ATP2B2: variants seen among roughly 807,000 people sequenced by gnomAD.
ATP2B2 encodes the protein plasma membrane calcium-transporting ATPase 2.
Under a neutral mutation model 120.0 loss-of-function variants are expected in ATP2B2, and 15 were observed. The ratio of observed to expected loss-of-function variants is 0.12; its 90% confidence interval spans 0.08 to 0.19. The LOEUF (loss-of-function observed/expected upper bound fraction) is 0.19. Among genes scored for constraint, ATP2B2 ranks in the 10% least tolerant of loss-of-function variants. The pLI, the probability that ATP2B2 is intolerant of heterozygous loss-of-function variation, is 1.00. For missense variants in ATP2B2, 1,045 were observed against 1,719.8 expected (o/e 0.61, Z 6.94); for synonymous variants, 694 against 700.3 (o/e 0.99, Z 0.14).
chr3:10,365,115 T>C (rs1015132898), intron 12 of ATP2B2, among the ~76,000 whole-genome samples: 3 of 152,172 alleles, frequency 2.0e-5, no homozygotes, highest in Non-Finnish European at 4.4e-5. Context: ...CAAGGAAAGG[T>C]CTACTTGGCT....
chr3:10,506,421 A>C (rs2066628696), upstream of ATP2B2, among the ~76,000 whole-genome samples: 1 of 152,074 alleles, frequency 6.6e-6, no homozygotes, highest in Non-Finnish European at 1.5e-5. Flanking sequence ...CTGTGGGCTG[A>C]CTGACACTTC....
Position 10,437,482 on chromosome 3 carries a change from C to T in ATP2B2, c.199+11863G>A, listed in dbSNP as rs1461110845. Among the ~76,000 whole-genome samples the T allele has an allele frequency of 5.9e-5, 9 of 152,332 alleles. No homozygotes were observed. The East Asian group carries it at 1.7e-3, about 29-fold the overall frequency. On this transcript the variant is annotated intron_variant, in intron 2 of 22. Transcript: ENST00000360273. The stretch of plus-strand genomic sequence containing the variant: ...AAGCTGGGGTTCAGACCCAGGATGT[C>T]TGCCTCTTAACTCTCTCACCACACT...
chr3:10,488,836 C>T (rs965671605), intron 1 of ATP2B2, among the ~76,000 whole-genome samples: 7 of 152,048 alleles, frequency 4.6e-5, no homozygotes, highest in Non-Finnish European at 1.0e-4. Flanking sequence ...ACCTCACCCC[C>T]CACAGTCTGT....
At chr3:10,691,404 G>C (rs1227846989) in intron 1 of ATP2B2, among the ~76,000 whole-genome samples, 2 of 152,184 alleles carry the variant, frequency 1.3e-5, no homozygotes, top group Non-Finnish European at 2.9e-5. Context: ...AGTAGTTATG[G>C]GAGGACCAAG....
chr3:10,569,849 G>A (rs140518761), intron 2 of ATP2B2, among the ~76,000 whole-genome samples: 5 of 152,174 alleles, frequency 3.3e-5, no homozygotes, highest in Admixed American at 3.3e-4. Flanking sequence ...TCCCAGGCTT[G>A]CCTCCACCTA....
chr3:10,567,199 C>T (rs1004154045), intron 2 of ATP2B2, among the ~76,000 whole-genome samples: 1 of 152,218 alleles, frequency 6.6e-6, no homozygotes, highest in African/African-American at 2.4e-5. Flanking sequence ...CATAGCTAAT[C>T]AAAGCCTACC....
At chr3:10,481,100 T>C (rs949647579) in intron 1 of ATP2B2, among the ~76,000 whole-genome samples, 7 of 152,204 alleles carry the variant, frequency 4.6e-5, no homozygotes, top group Non-Finnish European at 8.8e-5. Flanking sequence ...AGAATGAAGA[T>C]AACACAGAGG....
At position 10,409,365 on chromosome 3, in the gene ATP2B2, A is replaced by G. The variant is rs74483334; in HGVS notation, c.397+1253T>C. Among the ~76,000 whole-genome samples the G allele has an allele frequency of 7.8e-3, 1,180 of 152,102 alleles. 14 individuals are homozygous for G. The highest frequency in any genetic ancestry group is 0.027 in the African/African-American group (1,132 of 41,498). ...CTTTTAGTTTTTAATTTTATTTTTC[A>G]TTTTAAAATTTTTGTTTTATTATTA... On this transcript the variant is annotated intron_variant, in intron 3 of 22. Transcript: ENST00000360273.
intron 2 of ATP2B2, among the ~76,000 whole-genome samples, chr3:10,556,163 G>C (rs765047845): frequency 4.6e-5 from 7 of 152,234 alleles, no homozygotes; most frequent in Non-Finnish European, 1.0e-4. Context: ...GCCTCCCAAA[G>C]TGCTGGGATT....
At chr3:10,632,747 G>A (rs2069901928) in intron 1 of ATP2B2, among the ~76,000 whole-genome samples, 1 of 152,176 alleles carries the variant, frequency 6.6e-6, no homozygotes, top group Non-Finnish European at 1.5e-5. Context: ...GGTGGCTCTG[G>A]GGACACAGCC....
At chr3:10,431,977 C>T (rs2063330633) in intron 2 of ATP2B2, among the ~76,000 whole-genome samples, 1 of 152,132 alleles carries the variant, frequency 6.6e-6, no homozygotes, top group Non-Finnish European at 1.5e-5. Flanking sequence ...ATCATCACTC[C>T]CGGCACTTTT....
chr3:10,568,866 C>T (rs1196338893), intron 2 of ATP2B2, among the ~76,000 whole-genome samples: 1 of 152,202 alleles, frequency 6.6e-6, no homozygotes, highest in African/African-American at 2.4e-5. Context: ...CCCTGCCTGG[C>T]TTTTGTTTGA....
chr3:10,360,195 G>C, intron 12 of ATP2B2, 72 bp from the exon 13 acceptor site: 1 of 1,514,466 alleles, frequency 6.6e-7, no homozygotes, highest in Non-Finnish European at 8.8e-7. Context: ...GGCTGCCACT[G>C]AGGCTCTGGG....
chr3:10,700,120 G>C (rs2071795318), intron 1 of ATP2B2, among the ~76,000 whole-genome samples: 3 of 152,144 alleles, frequency 2.0e-5, no homozygotes, highest in African/African-American at 7.2e-5. Context: ...CAGGATTGGA[G>C]AGTGTGCTAT....
At chr3:10,400,178 T>C (rs1490032207) in intron 5 of ATP2B2, among the ~76,000 whole-genome samples, 1 of 152,222 alleles carries the variant, frequency 6.6e-6, no homozygotes, top group Non-Finnish European at 1.5e-5. Context: ...CCCCTGTAGC[T>C]GAGTGAGCTT....
rs114010570 is a variant in ATP2B2 at position 10,531,611 on chromosome 3, T to G, written c.-320+2428A>C. ...TATGGTGATTTTTGTGACTATGAAT[T>G]CATTCAACCAACATGGGTTGTATGT... On this transcript the variant is annotated intron_variant, in intron 3 of 21. Transcript: ENST00000646379. 2.5e-3 allele frequency among the ~76,000 whole-genome samples: 381 copies of G among 152,300 alleles called. 1 individual carries two copies. Among genetic ancestry groups the G allele is most frequent in the African/African-American group, 8.6e-3 (358 of 41,554 alleles).
At chr3:10,572,246 T>C (rs1479388939) in intron 2 of ATP2B2, among the ~76,000 whole-genome samples, 3 of 152,240 alleles carry the variant, frequency 2.0e-5, no homozygotes, top group African/African-American at 7.2e-5. Flanking sequence ...TTACTGTATC[T>C]GGCTGAAGAA....
chr3:10,418,716 C>T (rs1472370581), intron 2 of ATP2B2, among the ~76,000 whole-genome samples: 1 of 152,202 alleles, frequency 6.6e-6, no homozygotes, highest in Non-Finnish European at 1.5e-5. Flanking sequence ...CACTGTCTGG[C>T]TGAGCGGACC....
chr3:10,383,332 T>C (rs1427763189), intron 8 of ATP2B2, among the ~76,000 whole-genome samples: 1 of 152,118 alleles, frequency 6.6e-6, no homozygotes, highest in Non-Finnish European at 1.5e-5. Flanking sequence ...CCTAGGAAAC[T>C]CTATGTGACT....
Sources: allele counts gnomAD v4.1 joint callset (sites outside exome capture counted in the v4.1 genomes callset), GRCh38; gene constraint gnomAD v4.1.1; transcripts MANE v1.5; gene names NCBI Gene and HGNC (gene_info 2026-07-23, HGNC 2026-07-21).